The following DMRT1 variants were observed in gnomAD, a reference collection of about 807,000 sequenced individuals.
DMRT1 encodes doublesex- and mab-3-related transcription factor 1.
A neutral mutation model predicts 32.3 loss-of-function variants in DMRT1; 7 were observed. The observed-to-expected ratio is 0.22, with a 90% CI of 0.12 to 0.41. The LOEUF (loss-of-function observed/expected upper bound fraction) is 0.41. Ranked by LOEUF, DMRT1 falls within the 10% of genes least tolerant of loss-of-function variation. The pLI, the probability that DMRT1 is intolerant of heterozygous loss-of-function variation, is 1.00. For missense variants in DMRT1, 625 were observed against 500.5 expected, an observed-to-expected ratio of 1.25 and a Z score of -2.37; for synonymous variants, 278 against 206.1, an observed-to-expected ratio of 1.35 and a Z score of -2.99.
intron 4 of DMRT1, among the ~76,000 whole-genome samples, chr9:961,828 T>C (rs1224631502): frequency 1.3e-5 from 2 of 152,202 alleles, no homozygotes; most frequent in East Asian, 3.8e-4. Flanking sequence ...GACAGAGGAA[T>C]TAAGGAAACT....
rs1337933498 is a variant in DMRT1, at chr9:862,486, C to G, written c.538+15343C>G. Among the ~76,000 whole-genome samples, 5 of 114,572 alleles carry G rather than the reference C, an allele frequency of 4.4e-5. No homozygotes were observed. In the East Asian group the frequency reaches 1.3e-3, roughly 30 times the overall value. The allele number at this position is 114,572 out of a possible 152,430, so 75.2% of individuals were successfully genotyped here. ...GCCTCGGCATCAGAGGGAGACGGTG[C>G]AAAGGGGAGACGAGGACCGTGCAAT... On this transcript the variant is annotated intron_variant, in intron 2 of 4. Transcript: ENST00000382276.
At chr9:894,348 G>A (rs1817271825) in intron 3 of DMRT1, 153 bp downstream of exon 3, 71 of 764,522 alleles carry the variant, frequency 9.3e-5, no homozygotes, top group Middle Eastern at 3.7e-4. Context: ...ATGTGTGTGT[G>A]CCATTTTGCA....
chr9:862,318 G>A (rs572160036), intron 2 of DMRT1, among the ~76,000 whole-genome samples: 21 of 152,240 alleles, frequency 1.4e-4, no homozygotes, highest in Admixed American at 2.6e-4. Flanking sequence ...CCGCCAACAC[G>A]GCGAAACCCC....
intron 4 of DMRT1, among the ~76,000 whole-genome samples, chr9:934,563 G>GA (rs1181834266): frequency 6.6e-6 from 1 of 152,236 alleles, no homozygotes; most frequent in East Asian, 1.9e-4. Flanking sequence ...TTTAAAAAGA[G>GA]AAGTCATTGC....
At position 841,703 on chromosome 9, in the gene DMRT1, G is replaced by T; in HGVS notation, c.-136G>T. 1.3e-6 allele frequency: 2 copies of T among 1,531,744 alleles called. No homozygotes were observed. The highest frequency in any genetic ancestry group is 1.8e-6 in the Non-Finnish European group (2 of 1,138,278). 94.9% of individuals were successfully genotyped at this position (1,531,744 alleles called of 1,614,324 possible). ...GGCGTGCCCAGACCTCGCCACTCCA[G>T]CTGCGCCTCCGGCTGCAGCGCACAC... On this transcript the variant is annotated 5_prime_UTR_variant, in exon 1 of 5. Coordinates refer to ENST00000382276, the MANE Select transcript of DMRT1 (RefSeq NM_021951.3).
At chr9:939,776 T>G (rs1161826318) in intron 4 of DMRT1, among the ~76,000 whole-genome samples, 1 of 152,200 alleles carries the variant, frequency 6.6e-6, no homozygotes, top group Non-Finnish European at 1.5e-5. Context: ...TTATAGTTTC[T>G]TTCATATAGA....
Position 850,009 on chromosome 9 carries a change from G to C in DMRT1, c.538+2866G>C, listed in dbSNP as rs867551815. Among the ~76,000 whole-genome samples, 3 of 152,176 alleles carry C rather than the reference G, an allele frequency of 2.0e-5. No homozygotes were observed. In the South Asian group the frequency reaches 6.2e-4, roughly 32 times the overall value. ...AATTTTGTATTTTTAGTAGAGACGG[G>C]GTTTCCTCCATGTTGGTCAGGCTGG... On this transcript the variant is annotated intron_variant, in intron 2 of 4. Coordinates refer to ENST00000382276, the MANE Select transcript of DMRT1 (RefSeq NM_021951.3).
chr9:952,505 A>G (rs1182513433), intron 4 of DMRT1, among the ~76,000 whole-genome samples: 2 of 152,230 alleles, frequency 1.3e-5, no homozygotes, highest in Non-Finnish European at 2.9e-5. Flanking sequence ...ATTCCCAGGA[A>G]GCTTGCGCCT....
intron 4 of DMRT1, among the ~76,000 whole-genome samples, chr9:948,011 G>T (rs1233225328): frequency 1.3e-5 from 2 of 152,214 alleles, no homozygotes; most frequent in South Asian, 4.1e-4. Context: ...TCACTGGGGT[G>T]AATCAGTTCA....
intron 4 of DMRT1, among the ~76,000 whole-genome samples, chr9:936,895 T>G (rs912663864): frequency 7.2e-5 from 11 of 152,216 alleles, no homozygotes; most frequent in Admixed American, 3.3e-4. Flanking sequence ...TTCAGTAGCG[T>G]TAAATGCATT....
At position 870,027 on chromosome 9, in the gene DMRT1, G is replaced by T. The variant is rs4538942; in HGVS notation, c.538+22884G>T. ...CACCCAGTTTGTATTGAACGAATAA[G>T]TTTCTTAAGTTTTTGAGAGCTTTCT... is the stretch of plus-strand genomic sequence containing the variant. On this transcript the variant is annotated intron_variant, in intron 2 of 4. Transcript: ENST00000382276. Among the ~76,000 whole-genome samples the T allele has an allele frequency of 8.3e-3, 1,255 of 152,090 alleles. 20 individuals are homozygous for T. The highest frequency in any genetic ancestry group is 0.029 in the African/African-American group (1,189 of 41,462).
chr9:932,017 C>T lies in DMRT1; in HGVS notation c.967+15110C>T, dbSNP rs1586634438. Among the ~76,000 whole-genome samples, 6 of 152,136 alleles carry T rather than the reference C, an allele frequency of 3.9e-5. No homozygotes were observed. In the South Asian group the frequency reaches 1.2e-3, roughly 32 times the overall value. On this transcript the variant is annotated intron_variant, in intron 4 of 4. Transcript: ENST00000382276. ...CTTCCTAACTCTCCAACACAGAGAC[C>T]CCAGCCCACGTCAGGCCCTCATCTG...
At chr9:925,498 T>TA (rs1433093970) in intron 4 of DMRT1, among the ~76,000 whole-genome samples, 11 of 152,318 alleles carry the variant, frequency 7.2e-5, no homozygotes, top group Admixed American at 2.6e-4. Flanking sequence ...TATTCACACT[T>TA]AACAGAGAGG....
At chr9:848,953 A>G (rs1343646733) in intron 2 of DMRT1, among the ~76,000 whole-genome samples, 1 of 102,446 alleles carries the variant, frequency 9.8e-6, no homozygotes, top group Non-Finnish European at 2.3e-5. Context: ...ACTAAATAAT[A>G]CAGGGTCATG....
rs149761238 is a variant in DMRT1 at position 866,211 on chromosome 9, A to G, written c.538+19068A>G. Among the ~76,000 whole-genome samples the G allele has an allele frequency of 1.6e-3, 237 of 150,682 alleles. 1 individual carries two copies. The highest frequency in any genetic ancestry group is 5.6e-3 in the African/African-American group (230 of 41,144). ...AGACAGTGGTGGGTGTTTTATAACC[A>G]CACAAATACTCAGGACTCTGAGACT... On this transcript the variant is annotated intron_variant, in intron 2 of 4. Transcript: ENST00000382276.
chr9:909,499 A>C (rs1409568545), intron 3 of DMRT1, among the ~76,000 whole-genome samples: 2 of 152,116 alleles, frequency 1.3e-5, no homozygotes, highest in Non-Finnish European at 2.9e-5. Flanking sequence ...GTTCGAAAAG[A>C]AGCATCTATT....
intron 3 of DMRT1, among the ~76,000 whole-genome samples, chr9:907,496 T>C (rs929214456): frequency 2.0e-5 from 3 of 152,200 alleles, no homozygotes; most frequent in African/African-American, 7.2e-5. Flanking sequence ...CCCCCTGATA[T>C]GCACCAAGAC....
chr9:892,864 A>G (rs1226371599), intron 2 of DMRT1, among the ~76,000 whole-genome samples: 1 of 152,030 alleles, frequency 6.6e-6, no homozygotes, highest in Admixed American at 6.6e-5. Context: ...CCATCATTCC[A>G]AACTCTACCC....
At chr9:936,541 C>T (rs1263250465) in intron 4 of DMRT1, among the ~76,000 whole-genome samples, 2 of 152,062 alleles carry the variant, frequency 1.3e-5, no homozygotes, top group African/African-American at 2.4e-5. Flanking sequence ...CACCTGAGGT[C>T]AGGAGTTCGA....
Sources: gnomAD v4.1 joint callset for allele counts (sites outside exome capture counted in the v4.1 genomes callset) on GRCh38, gnomAD v4.1.1 for gene constraint, MANE v1.5 for transcripts, NCBI Gene and HGNC (gene_info 2026-07-23, HGNC 2026-07-21) for gene names.